Variants in PIBF1 observed in about 807,000 individuals in gnomAD.
The protein encoded by PIBF1 is progesterone-induced-blocking factor 1.
A neutral mutation model predicts 112.5 loss-of-function variants in PIBF1; 90 were observed. The observed-to-expected ratio is 0.80, with a 90% CI of 0.67 to 0.95. The LOEUF is 0.95. PIBF1 is among the 40% of genes least tolerant of loss of function. The pLI is 0.00. For synonymous variants in PIBF1, 301 were observed against 288.6 expected (o/e 1.04, Z -0.44); for missense variants, 915 against 852.3 (o/e 1.07, Z -0.92).
At chr13:72,895,569 T>G (rs2040248462) in intron 11 of PIBF1, among the ~76,000 whole-genome samples, 1 of 151,964 alleles carries the variant, frequency 6.6e-6, no homozygotes, top group South Asian at 2.1e-4. Context: ...AAATATAAAT[T>G]TATAAATTTA....
intron 17 of PIBF1, among the ~76,000 whole-genome samples, chr13:73,010,015 G>C (rs1264234565): frequency 6.6e-6 from 1 of 152,074 alleles, no homozygotes; most frequent in African/African-American, 2.4e-5. Context: ...TTTAGTATCA[G>C]TTCATTGAGG....
At chr13:72,866,891 T>G (rs888595772) in intron 10 of PIBF1, among the ~76,000 whole-genome samples, 1 of 152,224 alleles carries the variant, frequency 6.6e-6, no homozygotes, top group African/African-American at 2.4e-5. Context: ...ATATCCCAGA[T>G]GTATGATCAC....
chr13:72,934,035 G>T (rs997926515), intron 14 of PIBF1, among the ~76,000 whole-genome samples: 4 of 152,110 alleles, frequency 2.6e-5, no homozygotes, highest in Admixed American at 1.3e-4. Flanking sequence ...TTTGGAGAAA[G>T]AATCAGTAAC....
intron 11 of PIBF1, among the ~76,000 whole-genome samples, chr13:72,895,016 TG>T (rs140066076): frequency 0.11 from 17,224 of 151,220 alleles, 1,303 homozygotes; most frequent in Non-Finnish European, 0.16. Flanking sequence ...CCCAGCTACT[TG>T]GGGGTTGAGA....
chr13:73,014,087 C>G (rs1260325570), intron 17 of PIBF1, among the ~76,000 whole-genome samples: 1 of 151,244 alleles, frequency 6.6e-6, no homozygotes, highest in East Asian at 1.9e-4. Flanking sequence ...TCCCCTCCCC[C>G]TTTTTCCTCC....
At chr13:72,863,289 C>A (rs2038774701) in intron 10 of PIBF1, among the ~76,000 whole-genome samples, 1 of 152,036 alleles carries the variant, frequency 6.6e-6, no homozygotes, top group African/African-American at 2.4e-5. Flanking sequence ...GTAAATGTGA[C>A]AAACACACCA....
In PIBF1 at chr13:72,893,947, G is replaced by T; in HGVS notation, c.1486G>T (p.Glu496Ter). 6.4e-7 allele frequency: 1 copy of T among 1,560,148 alleles called. No homozygotes were observed. Among genetic ancestry groups the T allele is most frequent in the Non-Finnish European group, 8.7e-7 (1 of 1,149,674 alleles). Residue 496 changes from glutamate to a stop codon, truncating the protein, a stop_gained and splice_region_variant, in exon 11 of 18, where the codon GAG becomes TAG. Transcript: ENST00000326291. LOFTEE classifies it high-confidence loss of function. ...ATGTGAAAAATATCAGAAAAAATTG[G>T]AGGTACATGTACAAGCTTTTCTTTC... ...LECEKYQKKL[E>*]VLTKEFYSLQ...
chr13:72,999,325 T>C (rs1044900467), intron 17 of PIBF1, among the ~76,000 whole-genome samples: 24 of 152,082 alleles, frequency 1.6e-4, no homozygotes, highest in African/African-American at 5.8e-4. Flanking sequence ...ACCAAAAATA[T>C]GTACAGTTAT....
chr13:72,826,370 C>A (rs1034374393), intron 6 of PIBF1, among the ~76,000 whole-genome samples: 1 of 152,064 alleles, frequency 6.6e-6, no homozygotes, highest in African/African-American at 2.4e-5. Flanking sequence ...TGTGGAAATA[C>A]CAGGTGGGTC....
intron 10 of PIBF1, among the ~76,000 whole-genome samples, chr13:72,887,105 A>T (rs571427015): frequency 6.6e-6 from 1 of 151,066 alleles, no homozygotes; most frequent in Admixed American, 6.6e-5. Context: ...TACATTTTGA[A>T]CTAATGTAAT....
chr13:72,982,146 T>C (rs1303387287), intron 16 of PIBF1, among the ~76,000 whole-genome samples: 1 of 152,158 alleles, frequency 6.6e-6, no homozygotes, highest in African/African-American at 2.4e-5. Context: ...TTAAATATTA[T>C]CTATCATTTG....
chr13:72,914,253 A>G (rs1213220200), intron 12 of PIBF1, among the ~76,000 whole-genome samples: 1 of 152,172 alleles, frequency 6.6e-6, no homozygotes, highest in African/African-American at 2.4e-5. Flanking sequence ...TATCTTATTT[A>G]TACTTGTATT....
At chr13:72,972,399 C>T (rs1226763255) in intron 15 of PIBF1, among the ~76,000 whole-genome samples, 1 of 152,168 alleles carries the variant, frequency 6.6e-6, no homozygotes, top group Non-Finnish European at 1.5e-5. Flanking sequence ...TGCGGTGGCT[C>T]ACGCCTATAA....
chr13:72,964,488 C>A (rs549182787), intron 14 of PIBF1, among the ~76,000 whole-genome samples: 1 of 152,132 alleles, frequency 6.6e-6, no homozygotes, highest in South Asian at 2.1e-4. Flanking sequence ...GTAAATTTTA[C>A]ATTATATTTT....
chr13:72,824,878 A>G (rs2036729527), intron 6 of PIBF1, among the ~76,000 whole-genome samples: 1 of 152,212 alleles, frequency 6.6e-6, no homozygotes, highest in Admixed American at 6.5e-5. Flanking sequence ...TTCACATAAC[A>G]TACTGAGAAT....
intron 5 of PIBF1, among the ~76,000 whole-genome samples, chr13:72,807,268 A>G (rs904097650): frequency 2.0e-5 from 3 of 152,096 alleles, no homozygotes; most frequent in Non-Finnish European, 2.9e-5. Context: ...CTTATTCATT[A>G]TTTAACATTT....
At chr13:72,828,983 G>A (rs763713400) in intron 8 of PIBF1, among the ~76,000 whole-genome samples, 21 of 152,168 alleles carry the variant, frequency 1.4e-4, no homozygotes, top group Non-Finnish European at 2.2e-4. Context: ...TCTAACTGGC[G>A]TGAGATGGTA....
intron 9 of PIBF1, among the ~76,000 whole-genome samples, chr13:72,836,314 A>G (rs1374399012): frequency 2.6e-5 from 4 of 152,128 alleles, no homozygotes; most frequent in Admixed American, 2.6e-4. Context: ...GACTTGTGAT[A>G]CTAGTTTATC....
intron 9 of PIBF1, among the ~76,000 whole-genome samples, chr13:72,839,091 A>G (rs2037490272): frequency 6.6e-6 from 1 of 152,246 alleles, no homozygotes; most frequent in South Asian, 2.1e-4. Flanking sequence ...TTTTATATCA[A>G]AAGATCACTG....
Sources: gnomAD v4.1 joint callset for allele counts (sites outside exome capture counted in the v4.1 genomes callset) on GRCh38, gnomAD v4.1.1 for gene constraint, MANE v1.5 for transcripts, NCBI Gene and HGNC (gene_info 2026-07-23, HGNC 2026-07-21) for gene names.